STXBP5L: variants seen among roughly 807,000 people sequenced by gnomAD.
STXBP5L encodes the protein syntaxin binding protein 5L, also known as syntaxin-binding protein 5-like.
Under a neutral mutation model 144.5 loss-of-function variants are expected in STXBP5L, and 65 were observed. That is an observed-to-expected ratio of 0.45 (90% CI 0.37 to 0.55). The LOEUF is 0.55. Ranked by LOEUF, STXBP5L falls within the 20% of genes least tolerant of loss-of-function variation. The probability of loss-of-function intolerance (pLI) is 0.00; values close to 1 mark genes in which losing one functional copy is unlikely to be tolerated. For synonymous variants in STXBP5L, 505 were observed against 469.6 expected (o/e 1.08, Z -0.97); for missense variants, 1,298 against 1,405.5 (o/e 0.92, Z 1.22).
chr3:121,407,670 ATATGTGT>A (rs1560064577), intron 23 of STXBP5L, 67 bp downstream of exon 23: 14 of 1,591,076 alleles, frequency 8.8e-6, no homozygotes, highest in Non-Finnish European at 1.2e-5. Flanking sequence ...CCTAAAAAAT[ATATGTGT>A]TATGTGCAGA....
Position 121,067,957 on chromosome 3 carries a change from G to T in STXBP5L, c.470+22422G>T, listed in dbSNP as rs1267633996. Among the ~76,000 whole-genome samples the T allele has an allele frequency of 3.9e-5, 6 of 152,176 alleles. No individual in the cohort carries two copies. The East Asian group carries it at 1.2e-3, about 29-fold the overall frequency. On this transcript the variant is annotated intron_variant, in intron 5 of 26. Coordinates refer to ENST00000471454, the MANE Select transcript of STXBP5L (RefSeq NM_001308330.2). The stretch of plus-strand genomic sequence containing the variant: ...ATATTTCCATTATATTATTGTCAAT[G>T]TCTTCATAGTCATTTTTAAGCATAC...
intron 15 of STXBP5L, among the ~76,000 whole-genome samples, chr3:121,254,311 A>G (rs1018382093): frequency 1.3e-5 from 2 of 149,462 alleles, no homozygotes; most frequent in Admixed American, 6.7e-5. Flanking sequence ...GTATGAGATT[A>G]TATCTGACCC....
intron 22 of STXBP5L, among the ~76,000 whole-genome samples, chr3:121,394,812 G>A (rs2046687840): frequency 6.6e-6 from 1 of 151,928 alleles, no homozygotes; most frequent in Non-Finnish European, 1.5e-5. Context: ...TCACATGTTA[G>A]CCAGGATGGT....
intron 12 of STXBP5L, among the ~76,000 whole-genome samples, chr3:121,234,403 C>T (rs1283707921): frequency 2.6e-5 from 4 of 152,080 alleles, no homozygotes; most frequent in Admixed American, 1.3e-4. Context: ...GATATCACTT[C>T]CTTATTTAAA....
chr3:121,407,099 T>G (rs758810386), intron 22 of STXBP5L, 144 bp from the exon 23 acceptor site: 11 of 1,000,196 alleles, frequency 1.1e-5, no homozygotes, highest in Non-Finnish European at 1.5e-5. Flanking sequence ...TTATAACAGA[T>G]GAGCTCACAA....
At chr3:121,001,250 T>A (rs1357404588) in intron 3 of STXBP5L, among the ~76,000 whole-genome samples, 1 of 152,188 alleles carries the variant, frequency 6.6e-6, no homozygotes, top group African/African-American at 2.4e-5. Context: ...TTAGGCTGGG[T>A]CTTCCAGTAA....
At chr3:121,212,820 G>A (rs905769639) in intron 10 of STXBP5L, among the ~76,000 whole-genome samples, 13 of 152,032 alleles carry the variant, frequency 8.6e-5, no homozygotes, top group African/African-American at 2.7e-4. Context: ...GGCCATTTTC[G>A]TGATATTGAT....
At chr3:121,367,608 T>TC (rs1219871195) in intron 20 of STXBP5L, among the ~76,000 whole-genome samples, 1 of 141,124 alleles carries the variant, frequency 7.1e-6, no homozygotes, top group Non-Finnish European at 1.5e-5. Flanking sequence ...TTTTTTTTTT[T>TC]TTTTTTTTTT....
Position 121,330,461 on chromosome 3 carries a change from C to G in STXBP5L, c.2176+11921C>G, listed in dbSNP as rs189110851. 7.8e-4 allele frequency among the ~76,000 whole-genome samples: 119 copies of G among 152,300 alleles called. 2 individuals carry two copies. Among genetic ancestry groups the G allele is most frequent in the African/African-American group, 2.7e-3 (112 of 41,560 alleles). ...AGACTTAACCTGACCCAGCCACCAC[C>G]TGGCTTTGCTCCTCTACCCACCCTA... On this transcript the variant is annotated intron_variant, in intron 20 of 26. Transcript: ENST00000471454.
intron 20 of STXBP5L, among the ~76,000 whole-genome samples, chr3:121,345,068 G>C (rs749511845): frequency 2.6e-5 from 4 of 151,872 alleles, no homozygotes; most frequent in Non-Finnish European, 4.4e-5. Context: ...ATGCAGGTTT[G>C]ATACATAGGT....
At chr3:121,050,302 G>A (rs1440758983) in intron 5 of STXBP5L, among the ~76,000 whole-genome samples, 3 of 151,896 alleles carry the variant, frequency 2.0e-5, no homozygotes, top group Non-Finnish European at 2.9e-5. Context: ...AACTAGATAG[G>A]ACTTATTTCT....
At chr3:121,249,182 G>T (rs185667029) in intron 14 of STXBP5L, among the ~76,000 whole-genome samples, 6 of 152,070 alleles carry the variant, frequency 3.9e-5, no homozygotes, top group Non-Finnish European at 4.4e-5. Context: ...AATGATGTTT[G>T]TAGTTTGATA....
chr3:120,938,439 T>C (rs1251120962), intron 2 of STXBP5L, among the ~76,000 whole-genome samples: 1 of 152,208 alleles, frequency 6.6e-6, no homozygotes, highest in Non-Finnish European at 1.5e-5. Flanking sequence ...GGAGAGCAAC[T>C]TCACAGCTAG....
At chr3:121,135,650 G>A (rs2045217479) in intron 7 of STXBP5L, among the ~76,000 whole-genome samples, 1 of 152,196 alleles carries the variant, frequency 6.6e-6, no homozygotes, top group African/African-American at 2.4e-5. Flanking sequence ...ACAGGAGGCG[G>A]AGCTCTGGTG....
intron 9 of STXBP5L, among the ~76,000 whole-genome samples, chr3:121,174,426 A>G (rs1380796211): frequency 2.6e-5 from 4 of 152,084 alleles, no homozygotes; most frequent in Admixed American, 6.6e-5. Context: ...TTAAATCTCC[A>G]AAAACTTCCA....
intron 5 of STXBP5L, among the ~76,000 whole-genome samples, chr3:121,047,282 A>G (rs1947583581): frequency 6.6e-6 from 1 of 151,702 alleles, no homozygotes; most frequent in Non-Finnish European, 1.5e-5. Context: ...TGTGTGGTTG[A>G]TTTTAGAGTA....
chr3:121,175,150 C>A (rs2046883223), intron 9 of STXBP5L, among the ~76,000 whole-genome samples: 1 of 152,058 alleles, frequency 6.6e-6, no homozygotes. Context: ...GGAAAAATAA[C>A]AATAGATACA....
chr3:121,209,478 A>T (rs2048469662), intron 10 of STXBP5L, among the ~76,000 whole-genome samples: 1 of 152,096 alleles, frequency 6.6e-6, no homozygotes, highest in Non-Finnish European at 1.5e-5. Context: ...ACATGTGCAC[A>T]ACGTGCAGGT....
At chr3:120,962,576 C>T (rs1938982277) in intron 3 of STXBP5L, among the ~76,000 whole-genome samples, 1 of 152,108 alleles carries the variant, frequency 6.6e-6, no homozygotes, top group South Asian at 2.1e-4. Flanking sequence ...TGTCAAAGAT[C>T]AGATGGTTGT....
Sources: gnomAD v4.1 joint callset for allele counts (sites outside exome capture counted in the v4.1 genomes callset) on GRCh38, gnomAD v4.1.1 for gene constraint, MANE v1.5 for transcripts, NCBI Gene and HGNC (gene_info 2026-07-23, HGNC 2026-07-21) for gene names.